The following STK32C variants were observed in gnomAD, a reference collection of about 807,000 sequenced individuals.
The protein encoded by STK32C is serine/threonine kinase 32C.
A neutral mutation model predicts 56.5 loss-of-function variants in STK32C; 31 were observed. The observed-to-expected ratio is 0.55, with a 90% confidence interval of 0.41 to 0.74. The LOEUF (loss-of-function observed/expected upper bound fraction) is 0.74. Ranked by LOEUF, STK32C falls within the 30% of genes least tolerant of loss-of-function variation. The probability of loss-of-function intolerance (pLI) is 0.00; values close to 1 mark genes in which losing one functional copy is unlikely to be tolerated. For missense variants in STK32C, 544 were observed against 676.9 expected (o/e 0.80, Z 2.18); for synonymous variants, 309 against 289.4 (o/e 1.07, Z -0.69).
intron 3 of STK32C, 44 bp from the exon 4 acceptor site, chr10:132,227,012 G>A: frequency 6.2e-7 from 1 of 1,601,380 alleles, no homozygotes; most frequent in Non-Finnish European, 8.5e-7. Context: ...CAGCTGGGGA[G>A]CCAGTCATGG....
intron 2 of STK32C, among the ~76,000 whole-genome samples, chr10:132,234,118 C>T (rs972029729): frequency 1.3e-5 from 2 of 152,206 alleles, no homozygotes; most frequent in Admixed American, 1.3e-4. Context: ...GACTCTCCCA[C>T]TTGGGGATAA....
At chr10:132,254,234 G>A (rs185916196) in intron 1 of STK32C, among the ~76,000 whole-genome samples, 25 of 152,236 alleles carry the variant, frequency 1.6e-4, no homozygotes, top group African/African-American at 5.5e-4. Flanking sequence ...GCATGAACCC[G>A]GGAGGCAGAG....
chr10:132,239,037 A>G (rs768163526), intron 2 of STK32C, among the ~76,000 whole-genome samples: 19 of 152,210 alleles, frequency 1.2e-4, no homozygotes, highest in Non-Finnish European at 2.8e-4. Flanking sequence ...ACTCCCCATC[A>G]GAGGTCCAAG....
intron 1 of STK32C, among the ~76,000 whole-genome samples, chr10:132,331,200 C>CAAAAAAAAAAAAAA (rs35734065): frequency 1.8e-5 from 1 of 56,332 alleles, no homozygotes; most frequent in African/African-American, 7.1e-5. Context: ...GACTCCACCT[C>CAAAAAAAAAAAAAA]AAAAAAAAAA....
chr10:132,307,284 G>T lies in STK32C; in HGVS notation c.262+288C>A, dbSNP rs2066106637. The T allele has an allele frequency of 3.7e-6, 1 of 271,098 alleles. No homozygotes were observed. Among genetic ancestry groups the T allele is most frequent in the Non-Finnish European group, 6.9e-6 (1 of 144,926 alleles). 16.8% of individuals were successfully genotyped at this position (271,098 alleles called of 1,614,324 possible). ...AGCAGGGCTGCCACGGGCGGTGGGC[G>T]GAGGCGCGCGCAAGCCCGGAGACGC... On this transcript the variant is annotated intron_variant, in intron 1 of 11. Coordinates refer to ENST00000298630, the MANE Select transcript of STK32C (RefSeq NM_173575.4). This position sits in a 1 kb window ranked among gnomAD's most constrained non-coding sequence, Gnocchi z 4.4.
At chr10:132,268,838 G>A (rs1565131041) in intron 1 of STK32C, among the ~76,000 whole-genome samples, 1 of 145,426 alleles carries the variant, frequency 6.9e-6, no homozygotes, top group Non-Finnish European at 1.5e-5. Context: ...TGTGTATGCA[G>A]GTGCAGCTCT....
chr10:132,293,078 C>T (rs1431980274), intron 1 of STK32C, among the ~76,000 whole-genome samples: 3 of 152,232 alleles, frequency 2.0e-5, no homozygotes, highest in Non-Finnish European at 4.4e-5. Flanking sequence ...CATCAGCAAG[C>T]GGGGAGCACG....
Position 132,267,655 on chromosome 10 carries a change from ATGTG to A in STK32C, c.263-21704_263-21701del, listed in dbSNP as rs1305606968. On this transcript the variant is annotated intron_variant, in intron 1 of 11. Transcript: ENST00000298630. ...TCTGTGTGCATGCATGTCCCACATC[ATGTG>A]TGTGTGTGTCGGTGTGTGTGCATGC... Among the ~76,000 whole-genome samples, 173 of 71,858 alleles carry A rather than the reference ATGTG, an allele frequency of 2.4e-3. 2 individuals are homozygous for A. The highest frequency in any genetic ancestry group is 8.3e-3 in the African/African-American group (156 of 18,884). The allele number at this position is 71,858 out of a possible 152,430, so 47.1% of individuals were successfully genotyped here.
intron 10 of STK32C, among the ~76,000 whole-genome samples, chr10:132,209,652 C>T (rs2062226068): frequency 1.3e-5 from 2 of 151,426 alleles, no homozygotes; most frequent in South Asian, 2.1e-4. Flanking sequence ...AGGACCACTT[C>T]CCAGGACGCA....
chr10:132,300,007 C>T (rs1385319813), intron 1 of STK32C, among the ~76,000 whole-genome samples: 1 of 152,240 alleles, frequency 6.6e-6, no homozygotes, highest in Non-Finnish European at 1.5e-5. Context: ...ATCCCAGCAT[C>T]GTGGTCAAAA....
chr10:132,326,755 G>T (rs2138485682), intron 1 of STK32C, among the ~76,000 whole-genome samples: 1 of 152,278 alleles, frequency 6.6e-6, no homozygotes, highest in Admixed American at 6.5e-5. Context: ...CTCCACTGCT[G>T]GTCACAGTCT....
intron 1 of STK32C, among the ~76,000 whole-genome samples, chr10:132,304,096 T>C (rs1214406673): frequency 6.6e-6 from 1 of 152,180 alleles, no homozygotes; most frequent in African/African-American, 2.4e-5. Context: ...AAATGTATCC[T>C]AGGGAAACAA....
intron 1 of STK32C, among the ~76,000 whole-genome samples, chr10:132,266,987 G>C (rs1590327699): frequency 6.6e-6 from 1 of 152,328 alleles, no homozygotes; most frequent in East Asian, 1.9e-4. Context: ...CAACCACCGT[G>C]AGTGTTGGGA....
chr10:132,268,943 G>A (rs928245685), intron 1 of STK32C, among the ~76,000 whole-genome samples: 2 of 133,492 alleles, frequency 1.5e-5, no homozygotes, highest in African/African-American at 6.1e-5. Flanking sequence ...CTGTGTGCAT[G>A]CATGTCTCAC....
At chr10:132,224,260 G>A (rs2062792772) in intron 8 of STK32C, 147 bp downstream of exon 8, 7 of 655,684 alleles carry the variant, frequency 1.1e-5, no homozygotes, top group East Asian at 2.7e-5. Context: ...GCCATCTGCG[G>A]AGGCCCCCAC....
chr10:132,226,316 C>T (rs1374669640), intron 4 of STK32C, among the ~76,000 whole-genome samples: 1 of 152,202 alleles, frequency 6.6e-6, no homozygotes, highest in African/African-American at 2.4e-5. Context: ...TTTCTGCTTC[C>T]CAATTTCACT....
At chr10:132,286,334 T>G (rs539324049) in intron 1 of STK32C, among the ~76,000 whole-genome samples, 1 of 152,316 alleles carries the variant, frequency 6.6e-6, no homozygotes, top group South Asian at 2.1e-4. Flanking sequence ...ACAGCACCAC[T>G]GGTGAATGTT....
At chr10:132,258,368 C>T (rs1316073398) in intron 1 of STK32C, among the ~76,000 whole-genome samples, 1 of 152,256 alleles carries the variant, frequency 6.6e-6, no homozygotes, top group African/African-American at 2.4e-5. Flanking sequence ...AAGAGTTCCT[C>T]ACAGCCTCCT....
chr10:132,288,214 T>C (rs760708065), intron 1 of STK32C, among the ~76,000 whole-genome samples: 165 of 152,236 alleles, frequency 1.1e-3, no homozygotes, highest in Non-Finnish European at 2.0e-3. Context: ...CCTCACCGCA[T>C]GTGAAACACA....
Sources: gnomAD v4.1 joint callset for allele counts (sites outside exome capture counted in the v4.1 genomes callset) on GRCh38, gnomAD v4.1.1 for gene constraint, Gnocchi (gnomAD v3.1) non-coding constraint, MANE v1.5 for transcripts, NCBI Gene and HGNC (gene_info 2026-07-23, HGNC 2026-07-21) for gene names.